The following OPCML variants were observed in gnomAD, a reference collection of about 807,000 sequenced individuals.
OPCML encodes opioid-binding protein/cell adhesion molecule.
OPCML carries 13 observed loss-of-function variants against 37.8 expected under a neutral mutation model. That is an observed-to-expected ratio of 0.34 (90% CI 0.22 to 0.55). The LOEUF (loss-of-function observed/expected upper bound fraction) is 0.55, where lower values mean the gene tolerates loss of function less well. Ranked by LOEUF, OPCML falls within the 20% of genes least tolerant of loss-of-function variation. The pLI, the probability that OPCML is intolerant of heterozygous loss-of-function variation, is 0.91. For missense variants in OPCML, 341 were observed against 435.6 expected (o/e 0.78, Z 1.93); for synonymous variants, 176 against 168.8 (o/e 1.04, Z -0.33).
intron 1 of OPCML, among the ~76,000 whole-genome samples, chr11:133,050,131 C>G (rs980745570): frequency 2.6e-5 from 4 of 152,160 alleles, no homozygotes; most frequent in Non-Finnish European, 5.9e-5. Flanking sequence ...TCTCCTTCTT[C>G]CAATCCTTCC....
At chr11:133,228,174 G>T (rs1940121117) in intron 1 of OPCML, among the ~76,000 whole-genome samples, 1 of 152,144 alleles carries the variant, frequency 6.6e-6, no homozygotes, top group Admixed American at 6.5e-5. Context: ...TACCGTGGCT[G>T]CTGCCGTGAC....
chr11:133,007,968 A>G (rs1280693089), intron 1 of OPCML: 1 of 985,330 alleles, frequency 1.0e-6, no homozygotes, highest in African/African-American at 1.7e-5. Flanking sequence ...AGAGAATTCC[A>G]TGAGGACAGG....
chr11:132,903,370 C>G (rs75853474), intron 2 of OPCML, among the ~76,000 whole-genome samples: 15,860 of 152,186 alleles, frequency 0.1, 1,095 homozygotes, highest in African/African-American at 0.18. Context: ...TACTATTTCT[C>G]TCTTATTTAT....
intron 1 of OPCML, among the ~76,000 whole-genome samples, chr11:132,945,197 C>T (rs1203046853): frequency 1.3e-5 from 2 of 152,176 alleles, no homozygotes; most frequent in East Asian, 1.9e-4. Flanking sequence ...GGGATACAAT[C>T]TGAGAACTGT....
intron 1 of OPCML, among the ~76,000 whole-genome samples, chr11:133,217,654 G>A (rs550375640): frequency 1.2e-4 from 18 of 152,170 alleles, no homozygotes; most frequent in Non-Finnish European, 1.8e-4. Context: ...GGGGAGATGA[G>A]CAAGATGGGG....
intron 3 of OPCML, among the ~76,000 whole-genome samples, chr11:132,597,405 A>G (rs1446309611): frequency 6.6e-6 from 1 of 152,192 alleles, no homozygotes; most frequent in African/African-American, 2.4e-5. Context: ...TGGCTGGCAT[A>G]TATCTGCTTG....
At chr11:133,350,223 A>G (rs1592223926) in intron 1 of OPCML, among the ~76,000 whole-genome samples, 1 of 152,336 alleles carries the variant, frequency 6.6e-6, no homozygotes, top group African/African-American at 2.4e-5. Flanking sequence ...CAAAAGGAGA[A>G]TATAATTTAA....
chr11:133,435,766 G>C (rs1946220820), intron 1 of OPCML, among the ~76,000 whole-genome samples: 3 of 152,154 alleles, frequency 2.0e-5, no homozygotes, highest in Admixed American at 2.0e-4. Flanking sequence ...CTCTGACTTT[G>C]TTTGCAAAAC....
chr11:133,207,025 C>T (rs1265435170), intron 1 of OPCML, among the ~76,000 whole-genome samples: 4 of 151,188 alleles, frequency 2.6e-5, no homozygotes, highest in Admixed American at 1.3e-4. Context: ...CGGTGGCTCA[C>T]GCCTGTAATC....
intron 1 of OPCML, among the ~76,000 whole-genome samples, chr11:133,229,564 T>C (rs559583011): frequency 1.1e-3 from 162 of 152,174 alleles, no homozygotes; most frequent in Non-Finnish European, 1.7e-3. Flanking sequence ...CCACCATGCA[T>C]TTTCCCTCAC....
intron 1 of OPCML, chr11:133,024,973 A>G (rs1324209928): frequency 1.0e-6 from 1 of 985,308 alleles, no homozygotes; most frequent in East Asian, 1.1e-4. Flanking sequence ...ATGAATCTGC[A>G]TTTTAACACA....
chr11:133,510,966 T>C (rs556232194), intron 1 of OPCML, among the ~76,000 whole-genome samples: 1 of 151,894 alleles, frequency 6.6e-6, no homozygotes, highest in Non-Finnish European at 1.5e-5. Flanking sequence ...ACATGCCCCA[T>C]AGCCATTTCA....
At position 132,855,625 on chromosome 11, in the gene OPCML, A is replaced by C. The variant is rs897407388; in HGVS notation, c.146+87301T>G. Reference sequence around the variant, plus strand: ...AACATTTTAGCCATGTGAGTGAGCTACTGTGGAAGCTATTCCTCCAGCCCT... The same window carrying C: ...AACATTTTAGCCATGTGAGTGAGCTCCTGTGGAAGCTATTCCTCCAGCCCT... On this transcript the variant is annotated intron_variant, in intron 2 of 7. Transcript: ENST00000524381. Among the ~76,000 whole-genome samples the C allele has an allele frequency of 2.0e-5, 3 of 152,188 alleles. No individual in the cohort carries two copies. In the East Asian group the frequency reaches 5.8e-4, roughly 29 times the overall value.
chr11:133,331,010 T>C (rs1358971624), intron 1 of OPCML, among the ~76,000 whole-genome samples: 2 of 152,210 alleles, frequency 1.3e-5, no homozygotes, highest in Non-Finnish European at 1.5e-5. Flanking sequence ...GTCCAAGTTA[T>C]TACAAAGGGT....
chr11:133,290,209 T>G (rs1942437679), intron 1 of OPCML, among the ~76,000 whole-genome samples: 1 of 152,086 alleles, frequency 6.6e-6, no homozygotes, highest in South Asian at 2.1e-4. Flanking sequence ...GCCCTGGCAT[T>G]CAGGTGTATC....
chr11:132,786,130 G>A (rs1947202708), intron 2 of OPCML, among the ~76,000 whole-genome samples: 1 of 152,142 alleles, frequency 6.6e-6, no homozygotes, highest in Non-Finnish European at 1.5e-5. Context: ...AGCAGGGCTT[G>A]TAGAATTTTC....
chr11:132,609,119 C>T (rs1237342022), intron 3 of OPCML, among the ~76,000 whole-genome samples: 1 of 151,782 alleles, frequency 6.6e-6, no homozygotes, highest in East Asian at 1.9e-4. Flanking sequence ...TCGTGTTTCT[C>T]ATCGGCTTCT....
At chr11:132,521,266 T>C (rs1449265256) in intron 4 of OPCML, among the ~76,000 whole-genome samples, 1 of 152,168 alleles carries the variant, frequency 6.6e-6, no homozygotes, top group Admixed American at 6.5e-5. Context: ...CCTTATAGAT[T>C]CCTGATATTT....
At chr11:132,499,041 GTGTGCTTCCCCGTGCATGGT>G (rs2096240055) in intron 4 of OPCML, among the ~76,000 whole-genome samples, 1 of 152,238 alleles carries the variant, frequency 6.6e-6, no homozygotes, top group South Asian at 2.1e-4. Flanking sequence ...AATTCTGTGA[GTGTGCTTCCCCGTGCATGGT>G]AGCACACCTT....
Sources: gnomAD v4.1 joint callset for allele counts (sites outside exome capture counted in the v4.1 genomes callset) on GRCh38, gnomAD v4.1.1 for gene constraint, MANE v1.5 for transcripts, NCBI Gene and HGNC (gene_info 2026-07-23, HGNC 2026-07-21) for gene names.